Variants in DNAH12 observed in about 807,000 individuals in gnomAD.
The protein encoded by DNAH12 is dynein axonemal heavy chain 12.
Under a neutral mutation model 371.5 loss-of-function variants are expected in DNAH12, and 285 were observed. That is an observed-to-expected ratio of 0.77 (90% CI 0.70 to 0.85). The LOEUF (loss-of-function observed/expected upper bound fraction) is 0.85, where lower values mean the gene tolerates loss of function less well. Ranked by LOEUF, DNAH12 falls within the 40% of genes least tolerant of loss-of-function variation. DNAH12 has a pLI of 0.00. For missense variants in DNAH12, 3,611 were observed against 3,689.4 expected (o/e 0.98, Z 0.55); for synonymous variants, 1,200 against 1,213.0 (o/e 0.99, Z 0.22).
chr3:57,401,595 G>A (rs2063868305), intron 43 of DNAH12, among the ~76,000 whole-genome samples: 1 of 143,854 alleles, frequency 7.0e-6, no homozygotes, highest in Admixed American at 7.0e-5. Context: ...AGAAGAAGAA[G>A]AAGAAAGACA....
chr3:57,365,760 T>C (rs2063036772), intron 57 of DNAH12, among the ~76,000 whole-genome samples: 1 of 152,034 alleles, frequency 6.6e-6, no homozygotes, highest in Non-Finnish European at 1.5e-5. Context: ...AATATCAATC[T>C]TTTTTTAAAC....
chr3:57,541,479 C>T (rs900774226), intron 2 of DNAH12, among the ~76,000 whole-genome samples: 3 of 151,984 alleles, frequency 2.0e-5, no homozygotes, highest in African/African-American at 7.3e-5. Context: ...AATACTCCTG[C>T]CTCTGCCTCC....
At chr3:57,333,383 C>T (rs1045691011) in intron 62 of DNAH12, among the ~76,000 whole-genome samples, 11 of 142,412 alleles carry the variant, frequency 7.7e-5, no homozygotes, top group African/African-American at 2.2e-4. Flanking sequence ...CAGGCTGTAG[C>T]GCAGTGGTGC....
At chr3:57,514,995 C>A (rs527753837) in intron 4 of DNAH12, among the ~76,000 whole-genome samples, 6 of 152,122 alleles carry the variant, frequency 3.9e-5, no homozygotes, top group African/African-American at 1.2e-4. Context: ...ATAAGTAAAC[C>A]TTGTGGCTAA....
rs954260048 is a variant in DNAH12 at position 57,309,057 on chromosome 3, T to C, written c.11189+94A>G. 5 of 982,160 alleles carry C rather than the reference T, an allele frequency of 5.1e-6. No homozygotes were observed. The African/African-American group carries it at 6.6e-5, about 13-fold the overall frequency. 60.8% of individuals were successfully genotyped at this position (982,160 alleles called of 1,614,324 possible). On this transcript the variant is annotated intron_variant, in intron 69 of 73. Coordinates refer to ENST00000495027, the MANE Select transcript of DNAH12 (RefSeq NM_001366028.2). ...TTCTCTCTTCATACCACCCTCAAAA[T>C]TTTCGCCGCCCCAACACTTCAACAC...
chr3:57,308,728 A>T (rs2061522957), intron 69 of DNAH12, among the ~76,000 whole-genome samples: 1 of 152,176 alleles, frequency 6.6e-6, no homozygotes, highest in Non-Finnish European at 1.5e-5. Context: ...AAGTAAATAA[A>T]TAATCTTTGC....
chr3:57,344,300 G>A (rs2062484934), intron 60 of DNAH12, among the ~76,000 whole-genome samples: 1 of 114,180 alleles, frequency 8.8e-6, no homozygotes, highest in Non-Finnish European at 2.0e-5. Context: ...ACAAATGCTG[G>A]TGAGGATGCA....
Position 57,399,765 on chromosome 3 carries a change from C to T in DNAH12, c.6948+3544G>A, listed in dbSNP as rs946612375. ...TCCTCAGCCTACCCAACATGAAGAT[C>T]GTGAGGATGAAGACCTTTGTGATGA... On this transcript the variant is annotated intron_variant, in intron 43 of 73. Transcript: ENST00000495027. 1.4e-4 allele frequency among the ~76,000 whole-genome samples: 22 copies of T among 152,282 alleles called. No individual in the cohort carries two copies. In the East Asian group the frequency reaches 2.9e-3, roughly 20 times the overall value.
At chr3:57,518,424 C>T (rs976101648) in intron 4 of DNAH12, among the ~76,000 whole-genome samples, 4 of 151,680 alleles carry the variant, frequency 2.6e-5, no homozygotes, top group African/African-American at 7.3e-5. Flanking sequence ...TATTTGGGAG[C>T]CTGAGGCACA....
chr3:57,329,184 CT>C (rs2062028329), intron 62 of DNAH12, among the ~76,000 whole-genome samples: 1 of 144,670 alleles, frequency 6.9e-6, no homozygotes, highest in Non-Finnish European at 1.5e-5. Context: ...CTACCAATGC[CT>C]TTCTTCACAG....
At chr3:57,507,509 T>C in intron 8 of DNAH12, 134 bp downstream of exon 8, 1 of 686,088 alleles carries the variant, frequency 1.5e-6, no homozygotes, top group Non-Finnish European at 2.2e-6. Flanking sequence ...CTGCTAAAAT[T>C]ATTAAAATAA....
chr3:57,490,681 T>C (rs2067085516), intron 11 of DNAH12, among the ~76,000 whole-genome samples: 1 of 152,112 alleles, frequency 6.6e-6, no homozygotes, highest in South Asian at 2.1e-4. Flanking sequence ...CCTATTTTTC[T>C]AGAGTATCTA....
At chr3:57,353,488 T>G (rs2153323031) in intron 59 of DNAH12, among the ~76,000 whole-genome samples, 1 of 152,146 alleles carries the variant, frequency 6.6e-6, no homozygotes, top group African/African-American at 2.4e-5. Context: ...AGAGATGGGG[T>G]TTCACTATGT....
rs6768661 is a variant in DNAH12 at position 57,458,090 on chromosome 3, T to C, written c.3053+9A>G. ...TTTTAATTACAGCACAATTGATTAT[T>C]TATCATACCGAGGGAAGAAAAGACG... On this transcript the variant is annotated intron_variant, in intron 21 of 73. Transcript: ENST00000495027. 1,040,098 of 1,540,652 alleles carry C rather than the reference T, an allele frequency of 0.68. 352,759 individuals carry two copies. The highest frequency in any genetic ancestry group is 0.76 in the South Asian group (61,776 of 81,546).
chr3:57,519,573 A>C (rs2068332643), intron 4 of DNAH12: 2 of 708,764 alleles, frequency 2.8e-6, no homozygotes, highest in South Asian at 3.1e-5. Context: ...TATTTGAAGA[A>C]GTAATCCCCT....
intron 17 of DNAH12, among the ~76,000 whole-genome samples, chr3:57,463,748 C>G (rs2066122636): frequency 6.6e-6 from 1 of 152,014 alleles, no homozygotes. Flanking sequence ...GTTTTAACAT[C>G]TAAAAAGTAG....
chr3:57,405,122 A>G lies in DNAH12; in HGVS notation c.6602T>C (p.Leu2201Pro), dbSNP rs2063984781. The change falls in exon 42 of 74, where the codon CTC becomes CCC. Residue 2201 changes from leucine to proline, a missense_variant. Around this residue, in one of 3 missense-constraint regions of DNAH12, gnomAD observed 2,266 missense variants for 2,236.9 expected, o/e 1.01. Coordinates refer to ENST00000495027, the MANE Select transcript of DNAH12 (RefSeq NM_001366028.2). ...APVTEEDLRN[L>P]MFGDYMNPDL... is the part of the protein sequence containing the mutation. ...AGGATTCATATAATCACCAAACATG[A>G]GATTTCTTAAGTCTTCTTCAGTTAC... The G allele has an allele frequency of 6.5e-7, 1 of 1,537,346 alleles. No homozygotes were observed. Among genetic ancestry groups the G allele is most frequent in the Non-Finnish European group, 8.7e-7 (1 of 1,143,222 alleles).
At chr3:57,379,842 C>CAAAAAAAAA (rs1170490495) in intron 51 of DNAH12, among the ~76,000 whole-genome samples, 3 of 22,376 alleles carry the variant, frequency 1.3e-4, no homozygotes, top group Non-Finnish European at 2.8e-4. Flanking sequence ...CTCTGTCTCC[C>CAAAAAAAAA]AAAAAAAAAA....
chr3:57,499,451 A>G (rs1238039328), intron 11 of DNAH12, among the ~76,000 whole-genome samples: 1 of 150,662 alleles, frequency 6.6e-6, no homozygotes, highest in Non-Finnish European at 1.5e-5. Context: ...ACAAATAAAT[A>G]TAGCAAAATC....
Sources: allele counts gnomAD v4.1 joint callset (sites outside exome capture counted in the v4.1 genomes callset), GRCh38; gene constraint gnomAD v4.1.1; regional missense constraint gnomAD v4.1.1; transcripts MANE v1.5; gene names NCBI Gene and HGNC (gene_info 2026-07-23, HGNC 2026-07-21).